The following RNF144A variants were observed in gnomAD, a reference collection of about 807,000 sequenced individuals.
RNF144A encodes ring finger protein 144A, also known as E3 ubiquitin-protein ligase RNF144A.
Under a neutral mutation model 38.7 loss-of-function variants are expected in RNF144A, and 11 were observed. The ratio of observed to expected loss-of-function variants is 0.28; its 90% CI spans 0.18 to 0.47. The LOEUF (loss-of-function observed/expected upper bound fraction) is 0.47. RNF144A is among the 20% of genes least tolerant of loss of function. The probability of loss-of-function intolerance (pLI) is 0.99; values close to 1 mark genes in which losing one functional copy is unlikely to be tolerated. For missense variants in RNF144A, 316 were observed against 377.2 expected (o/e 0.84, Z 1.34); for synonymous variants, 149 against 143.9 (o/e 1.04, Z -0.25).
At chr2:7,066,427 C>A (rs1419579127) in intron 6 of RNF144A, among the ~76,000 whole-genome samples, 1 of 152,134 alleles carries the variant, frequency 6.6e-6, no homozygotes, top group Non-Finnish European at 1.5e-5. Flanking sequence ...TAGCTTAGAA[C>A]AATTTGGTAA....
At chr2:6,991,222 T>C (rs1669349292) in intron 2 of RNF144A, among the ~76,000 whole-genome samples, 1 of 152,144 alleles carries the variant, frequency 6.6e-6, no homozygotes, top group Non-Finnish European at 1.5e-5. Context: ...ATAGTTAAGT[T>C]TTTATCATTG....
In RNF144A at chr2:6,997,203, T is replaced by C. The variant is rs1669806477; in HGVS notation, c.135+142T>C. The C allele has an allele frequency of 4.2e-6, 3 of 715,454 alleles. No homozygotes were observed. The East Asian group carries it at 7.9e-5, about 19-fold the overall frequency. The allele number at this position is 715,454 out of a possible 1,614,324, so 44.3% of individuals were successfully genotyped here. A position where few individuals can be genotyped will look rare whatever the true frequency, so the allele number is the denominator to read the frequency against. On this transcript the variant is annotated intron_variant, in intron 3 of 8. Transcript: ENST00000320892. Reference sequence around the variant, plus strand: ...CTTGTTGAGGCCTTCACACAGTTCTTGGAAGAATTATTCTGTTAGTCAGGC... The same window carrying C: ...CTTGTTGAGGCCTTCACACAGTTCTCGGAAGAATTATTCTGTTAGTCAGGC...
Position 7,041,435 on chromosome 2 carries a change from C to G in RNF144A, c.*1675C>G. 1.0e-6 allele frequency: 1 copy of G among 985,848 alleles called. No individual in the cohort carries two copies. Among genetic ancestry groups the G allele is most frequent in the Non-Finnish European group, 1.2e-6 (1 of 829,934 alleles). The allele number at this position is 985,848 out of a possible 1,614,324, so 61.1% of individuals were successfully genotyped here. A position where few individuals can be genotyped will look rare whatever the true frequency, so the allele number is the denominator to read the frequency against. On this transcript the variant is annotated 3_prime_UTR_variant, in exon 9 of 9. Transcript: ENST00000320892. ...AGCCATTTAGAAAATCCCTGTGTGTCAAAATTACATTCAAAAAGCTCTCCT... is the reference window on the plus strand; with the variant it reads ...AGCCATTTAGAAAATCCCTGTGTGTGAAAATTACATTCAAAAAGCTCTCCT...
chr2:6,945,833 A>C (rs1046741671), intron 2 of RNF144A, among the ~76,000 whole-genome samples: 1 of 152,166 alleles, frequency 6.6e-6, no homozygotes, highest in Admixed American at 6.5e-5. Flanking sequence ...CTGTTAGAAG[A>C]ATTATCACAA....
intron 3 of RNF144A, among the ~76,000 whole-genome samples, chr2:7,002,333 C>G (rs912805390): frequency 6.6e-6 from 1 of 152,162 alleles, no homozygotes; most frequent in African/African-American, 2.4e-5. Context: ...CCCTCTGATC[C>G]CTTGCTCAGC....
At position 7,039,631 on chromosome 2, in the gene RNF144A, T is replaced by G; in HGVS notation, c.750T>G (p.Val250=). The G allele has an allele frequency of 1.2e-6, 2 of 1,613,974 alleles. No homozygotes were observed. The highest frequency in any genetic ancestry group is 1.7e-6 in the Non-Finnish European group (2 of 1,179,930). ...RASVIWHRTQ[V]VGIFAGFGLL... The stretch of plus-strand genomic sequence containing the variant: ...ACCCCTTTGTTTCTTTCTTCCAGGT[T>G]GTGGGCATTTTTGCAGGATTTGGGC... Residue 250 remains valine (V), a splice_region_variant and synonymous_variant, in exon 9 of 9, where the codon GTT becomes GTG. Coordinates refer to ENST00000320892, the MANE Select transcript of RNF144A (RefSeq NM_014746.6).
chr2:7,073,163 G>A (rs971579634), downstream of RNF144A, among the ~76,000 whole-genome samples: 8 of 152,148 alleles, frequency 5.3e-5, no homozygotes, highest in Non-Finnish European at 1.2e-4. Context: ...CTTTCCTAGG[G>A]ATCCACCCTG....
In RNF144A at chr2:6,992,411, G is replaced by A. The variant is rs192055713; in HGVS notation, c.-11-4505G>A. 2.5e-3 allele frequency among the ~76,000 whole-genome samples: 383 copies of A among 152,318 alleles called. 4 individuals are homozygous for A. Among genetic ancestry groups the A allele is most frequent in the South Asian group, 0.013 (65 of 4,824 alleles). On this transcript the variant is annotated intron_variant, in intron 2 of 8. Transcript: ENST00000320892. ...CCACACACAGCAGAGACCCAGAGAC[G>A]GGAGACAGCGGGGAGACGTGAGAAA...
chr2:6,974,426 C>T (rs1288444224), intron 2 of RNF144A, among the ~76,000 whole-genome samples: 3 of 152,136 alleles, frequency 2.0e-5, no homozygotes, highest in Non-Finnish European at 4.4e-5. Flanking sequence ...CTCCTTGTAC[C>T]AAATGGGAGA....
chr2:7,047,925 C>T (rs1299802120), downstream of RNF144A, among the ~76,000 whole-genome samples: 1 of 152,188 alleles, frequency 6.6e-6, no homozygotes, highest in Non-Finnish European at 1.5e-5. Flanking sequence ...CCCAAGTCTG[C>T]CCTGCGGGGA....
At chr2:6,956,149 T>C (rs1425115889) in intron 2 of RNF144A, among the ~76,000 whole-genome samples, 1 of 151,980 alleles carries the variant, frequency 6.6e-6, no homozygotes, top group African/African-American at 2.4e-5. Flanking sequence ...CCAGATTACA[T>C]GTTAAGGGAG....
At chr2:6,969,051 C>G (rs945657189) in intron 2 of RNF144A, among the ~76,000 whole-genome samples, 2 of 152,236 alleles carry the variant, frequency 1.3e-5, no homozygotes, top group Non-Finnish European at 2.9e-5. Flanking sequence ...ATACCCCATC[C>G]TTGGGGCTAA....
chr2:6,947,178 T>C (rs1666391561), intron 2 of RNF144A, among the ~76,000 whole-genome samples: 1 of 152,108 alleles, frequency 6.6e-6, no homozygotes, highest in Admixed American at 6.5e-5. Context: ...TCCATAGATA[T>C]ACAAACTTAA....
At chr2:7,026,960 G>A (rs903902609) in intron 7 of RNF144A, among the ~76,000 whole-genome samples, 7 of 152,192 alleles carry the variant, frequency 4.6e-5, no homozygotes, top group African/African-American at 1.7e-4. Flanking sequence ...CAGAGGAAGC[G>A]GATGTGAAGG....
chr2:7,020,570 G>T lies in RNF144A; in HGVS notation c.399G>T (p.Val133=). The T allele has an allele frequency of 6.2e-7, 1 of 1,613,116 alleles. No homozygotes were observed. The highest frequency in any genetic ancestry group is 8.5e-7 in the Non-Finnish European group (1 of 1,180,014). Residue 133 remains valine, a synonymous_variant, in exon 6 of 9, where the codon GTG becomes GTT. Transcript: ENST00000320892. ...QDVGLQTPQP[V]QCKACRMEFC... is the part of the protein sequence containing the mutation. ...TGGGGCTGCAGACCCCCCAGCCAGTGCAGTGCAAAGCCTGCCGTATGGAAT... is the reference window on the plus strand; with the variant it reads ...TGGGGCTGCAGACCCCCCAGCCAGTTCAGTGCAAAGCCTGCCGTATGGAAT...
chr2:6,952,897 C>G (rs1225350363), intron 2 of RNF144A, among the ~76,000 whole-genome samples: 1 of 152,078 alleles, frequency 6.6e-6, no homozygotes, highest in Non-Finnish European at 1.5e-5. Flanking sequence ...TCTTCCTCAA[C>G]CAACCTGCCA....
intron 1 of RNF144A, among the ~76,000 whole-genome samples, chr2:6,919,996 A>C (rs1664429535): frequency 6.6e-6 from 1 of 152,212 alleles, no homozygotes; most frequent in Admixed American, 6.5e-5. Flanking sequence ...GACTGTTGCT[A>C]GAGTAAGTCA....
intron 1 of RNF144A, among the ~76,000 whole-genome samples, chr2:6,940,038 C>G (rs1355873556): frequency 6.6e-6 from 1 of 152,018 alleles, no homozygotes; most frequent in Non-Finnish European, 1.5e-5. Context: ...TACTAAGAGT[C>G]TCTTGGATTT....
intron 5 of RNF144A, among the ~76,000 whole-genome samples, chr2:7,019,616 T>C (rs1671382652): frequency 6.6e-6 from 1 of 152,246 alleles, no homozygotes; most frequent in Non-Finnish European, 1.5e-5. Flanking sequence ...GGCAGAGCCT[T>C]GCTGCTCCCT....
Sources: gnomAD v4.1 joint callset for allele counts (sites outside exome capture counted in the v4.1 genomes callset) on GRCh38, gnomAD v4.1.1 for gene constraint, MANE v1.5 for transcripts, NCBI Gene and HGNC (gene_info 2026-07-23, HGNC 2026-07-21) for gene names.